Variants in LRRC2 observed in about 807,000 individuals in gnomAD.
The protein encoded by LRRC2 is leucine rich repeat containing 2, also known as leucine-rich repeat-containing protein 2.
LRRC2 carries 27 observed loss-of-function variants against 40.2 expected under a neutral mutation model. That is an observed-to-expected ratio of 0.67 (90% CI 0.49 to 0.93). LRRC2 has a LOEUF of 0.93. Among genes scored for constraint, LRRC2 ranks in the 40% least tolerant of loss-of-function variants. The pLI, the probability that LRRC2 is intolerant of heterozygous loss-of-function variation, is 0.00. For missense variants in LRRC2, 402 were observed against 439.6 expected, an observed-to-expected ratio of 0.91 and a Z score of 0.76; for synonymous variants, 147 against 158.9, an observed-to-expected ratio of 0.92 and a Z score of 0.56.
intron 7 of LRRC2, among the ~76,000 whole-genome samples, chr3:46,523,318 T>C (rs1703998059): frequency 6.6e-6 from 1 of 152,198 alleles, no homozygotes; most frequent in Non-Finnish European, 1.5e-5. Flanking sequence ...TCTCTCACCC[T>C]CCCTTTAATT....
Position 46,521,663 on chromosome 3 carries a change from T to C in LRRC2, c.930-5A>G, listed in dbSNP as rs904606609. On this transcript the variant is annotated splice_polypyrimidine_tract_variant and splice_region_variant and intron_variant, in intron 7 of 8. Transcript: ENST00000395905. Reference sequence around the variant, plus strand: ...TTGTCCATAAGGCTTACAAATCTATTCGAGAAAGCATGGGAAGTATCACAT... The same window carrying C: ...TTGTCCATAAGGCTTACAAATCTATCCGAGAAAGCATGGGAAGTATCACAT... The C allele has an allele frequency of 6.2e-7, 1 of 1,605,678 alleles. No individual in the cohort carries two copies.
chr3:46,561,660 C>G (rs375784944), intron 1 of LRRC2, among the ~76,000 whole-genome samples: 2 of 152,128 alleles, frequency 1.3e-5, no homozygotes, highest in Non-Finnish European at 2.9e-5. Context: ...TCTCTCCTCC[C>G]GTCATCACAA....
intron 1 of LRRC2, among the ~76,000 whole-genome samples, chr3:46,561,957 T>G (rs968733804): frequency 7.2e-5 from 11 of 152,232 alleles, no homozygotes; most frequent in Non-Finnish European, 8.8e-5. Flanking sequence ...TGATCCTAGC[T>G]TTAGTGGACA....
At chr3:46,556,778 C>T (rs1386791247) in intron 1 of LRRC2, among the ~76,000 whole-genome samples, 2 of 151,960 alleles carry the variant, frequency 1.3e-5, no homozygotes, top group Non-Finnish European at 2.9e-5. Context: ...AGGGTTTCAC[C>T]ATGTTGATCA....
chr3:46,539,319 T>G, intron 3 of LRRC2, 118 bp from the exon 4 acceptor site: 9 of 951,360 alleles, frequency 9.5e-6, no homozygotes, highest in Non-Finnish European at 1.3e-5. Flanking sequence ...AGCATAAAAC[T>G]TAACCACCAG....
chr3:46,529,774 C>T, intron 6 of LRRC2, 131 bp downstream of exon 6: 1 of 976,566 alleles, frequency 1.0e-6, no homozygotes, highest in Non-Finnish European at 1.5e-6. Flanking sequence ...AACTGATTTC[C>T]TGGAAAGGAA....
Position 46,545,184 on chromosome 3 carries a change from C to A in LRRC2, c.195G>T (p.Lys65Asn), listed in dbSNP as rs773740182. The A allele has an allele frequency of 9.9e-6, 16 of 1,614,104 alleles. No individual in the cohort carries two copies. The East Asian group carries it at 3.3e-4, about 34-fold the overall frequency. ...GCACGCTGGTGTCTATGAAGCCATT[C>A]TTGCAGTATACAGCCTGGGGGATGC... is the stretch of plus-strand genomic sequence containing the variant. ...RKGIPQAVYC[K>N]NGFIDTSVRL... is the part of the protein sequence containing the mutation. Residue 65 changes from lysine (K) to asparagine (N), a missense_variant, in exon 3 of 9, where the codon AAG (lysine) becomes AAT (asparagine). Lys to Asn is a moderately conservative substitution (Grantham distance 94). Coordinates refer to ENST00000395905, the MANE Select transcript of LRRC2 (RefSeq NM_024512.5).
At chr3:46,533,332 C>T (rs1471681054) in intron 4 of LRRC2, among the ~76,000 whole-genome samples, 1 of 152,192 alleles carries the variant, frequency 6.6e-6, no homozygotes, top group Admixed American at 6.5e-5. Flanking sequence ...AACTGGAGCA[C>T]AGTGTCTATA....
chr3:46,566,135 C>T (rs1285577902), intron 1 of LRRC2, 42 bp downstream of exon 1: 2 of 152,360 alleles, frequency 1.3e-5, no homozygotes, highest in Non-Finnish European at 2.9e-5. Context: ...GCGCAAGGCC[C>T]CCGCTCCCGC....
At chr3:46,543,187 C>T (rs1704434664) in intron 3 of LRRC2, among the ~76,000 whole-genome samples, 1 of 152,154 alleles carries the variant, frequency 6.6e-6, no homozygotes, top group South Asian at 2.1e-4. Flanking sequence ...CAGAGTACGG[C>T]TTAGGGGATG....
chr3:46,551,340 A>C (rs1704643472), intron 2 of LRRC2, 127 bp downstream of exon 2: 1 of 1,186,280 alleles, frequency 8.4e-7, no homozygotes, highest in Non-Finnish European at 1.2e-6. Context: ...CTGAAGTTTA[A>C]TGAGGAAAAT....
intron 2 of LRRC2, among the ~76,000 whole-genome samples, chr3:46,549,234 TA>T (rs1468262015): frequency 2.6e-5 from 4 of 152,264 alleles, no homozygotes; most frequent in Non-Finnish European, 4.4e-5. Context: ...TTGCCTTTTA[TA>T]ATCAGGCAGG....
chr3:46,536,886 G>A (rs1704278561), intron 4 of LRRC2, among the ~76,000 whole-genome samples: 1 of 152,208 alleles, frequency 6.6e-6, no homozygotes, highest in African/African-American at 2.4e-5. Flanking sequence ...GATGAACAAA[G>A]ATACATATTA....
rs181161156 is a variant in LRRC2, at chr3:46,554,050, C to T, written c.-19-2440G>A. Among the ~76,000 whole-genome samples the T allele has an allele frequency of 5.9e-5, 9 of 151,674 alleles. No homozygotes were observed. In the East Asian group the frequency reaches 1.6e-3, roughly 26 times the overall value. On this transcript the variant is annotated intron_variant, in intron 1 of 8. Transcript: ENST00000395905. ...TGTTTTTTTTCCTGAGACAGGGTCT[C>T]ACTCTGTTGCCCAGGCTAGAATGCA...
intron 1 of LRRC2, chr3:46,559,711 G>T (rs1393353241): frequency 6.6e-6 from 1 of 152,094 alleles, no homozygotes; most frequent in East Asian, 1.9e-4. Flanking sequence ...AATCATCTTT[G>T]ATAAATTCCT....
Position 46,532,856 on chromosome 3 carries a change from T to G in LRRC2, c.544A>C (p.Ile182Leu). ...TCACAATCTCCCAATTCTGGAGGAATGCTCTTCAGATAGTTGAAACCCACA... is the reference window on the plus strand; with the variant it reads ...TCACAATCTCCCAATTCTGGAGGAAGGCTCTTCAGATAGTTGAAACCCACA... Reference protein sequence around the residue: ...LNVGFNYLKSIPPELGDCENL... With the variant: ...LNVGFNYLKSLPPELGDCENL... The change falls in exon 5 of 9, where the codon ATT becomes CTT. Residue 182 changes from isoleucine to leucine, a missense_variant. Coordinates refer to ENST00000395905, the MANE Select transcript of LRRC2 (RefSeq NM_024512.5). 1.2e-6 allele frequency: 2 copies of G among 1,613,886 alleles called. No homozygotes were observed. The highest frequency in any genetic ancestry group is 8.5e-7 in the Non-Finnish European group (1 of 1,179,796).
intron 1 of LRRC2, among the ~76,000 whole-genome samples, chr3:46,556,671 C>T (rs1194790287): frequency 4.0e-5 from 6 of 151,222 alleles, no homozygotes; most frequent in African/African-American, 1.2e-4. Context: ...CTCAGCCTCC[C>T]GGGTTCAAGC....
At chr3:46,559,988 GA>G (rs150143133) in intron 1 of LRRC2, among the ~76,000 whole-genome samples, 7,266 of 152,286 alleles carry the variant, frequency 0.048, 246 homozygotes, top group Non-Finnish European at 0.072. Flanking sequence ...AACAGTAGGT[GA>G]TGACCACATT....
chr3:46,547,154 G>A (rs1218707944), intron 2 of LRRC2, among the ~76,000 whole-genome samples: 3 of 152,160 alleles, frequency 2.0e-5, no homozygotes, highest in South Asian at 2.1e-4. Flanking sequence ...TTAATCAGAT[G>A]TTTTGCTTTT....
Sources: allele counts gnomAD v4.1 joint callset (sites outside exome capture counted in the v4.1 genomes callset), GRCh38; gene constraint gnomAD v4.1.1; transcripts MANE v1.5; gene names NCBI Gene and HGNC (gene_info 2026-07-23, HGNC 2026-07-21).